KCNIP1: variants seen among roughly 807,000 people sequenced by gnomAD.
The protein encoded by KCNIP1 is A-type potassium channel modulatory protein KCNIP1.
KCNIP1 carries 18 observed loss-of-function variants against 33.0 expected under a neutral mutation model. The observed-to-expected ratio is 0.55, with a 90% confidence interval of 0.38 to 0.81. KCNIP1 has a LOEUF of 0.81. Ranked by LOEUF, KCNIP1 falls within the 30% of genes least tolerant of loss-of-function variation. KCNIP1 has a pLI of 0.00. For synonymous variants in KCNIP1, 93 were observed against 98.3 expected (o/e 0.95, Z 0.32); for missense variants, 238 against 271.6 (o/e 0.88, Z 0.87).
At chr5:170,648,405 A>G (rs1403490186) in intron 1 of KCNIP1, among the ~76,000 whole-genome samples, 1 of 152,248 alleles carries the variant, frequency 6.6e-6, no homozygotes, top group Non-Finnish European at 1.5e-5. Context: ...GCGAATGGTT[A>G]AATAAATGAT....
At chr5:170,700,992 A>G (rs1471840341) in intron 1 of KCNIP1, among the ~76,000 whole-genome samples, 1 of 152,214 alleles carries the variant, frequency 6.6e-6, no homozygotes, top group Admixed American at 6.5e-5. Context: ...AGTAGAACCA[A>G]CTTTCCAGAC....
chr5:170,638,586 T>C (rs879259540), intron 1 of KCNIP1, among the ~76,000 whole-genome samples: 5 of 152,174 alleles, frequency 3.3e-5, no homozygotes, highest in Admixed American at 1.3e-4. Context: ...CTCAGGGGGA[T>C]AGGTGTGTCA....
At position 170,492,903 on chromosome 5, in the gene KCNIP1, C is replaced by T. The variant is rs577016832; in HGVS notation, c.88+138939C>T. On this transcript the variant is annotated intron_variant, in intron 1 of 7. Transcript: ENST00000377360. ...TAGCTGGGACTACAGGTGCCCACCA[C>T]CATGCCTGGCTAATTTTTGTATTTT... 1.2e-3 allele frequency among the ~76,000 whole-genome samples: 177 copies of T among 152,304 alleles called. 2 individuals are homozygous for T. In the South Asian group the frequency reaches 0.032, roughly 28 times the overall value.
At chr5:170,397,839 C>T (rs1269984885) in intron 1 of KCNIP1, among the ~76,000 whole-genome samples, 2 of 152,156 alleles carry the variant, frequency 1.3e-5, no homozygotes, top group Admixed American at 6.5e-5. Flanking sequence ...CAATCAAATA[C>T]ATTTAAGAGA....
chr5:170,700,152 G>A (rs918906203), intron 1 of KCNIP1, among the ~76,000 whole-genome samples: 1 of 151,802 alleles, frequency 6.6e-6, no homozygotes, highest in Non-Finnish European at 1.5e-5. Context: ...TCTCCTGTGG[G>A]CTCCTTGTAG....
intron 1 of KCNIP1, among the ~76,000 whole-genome samples, chr5:170,546,892 G>A (rs1756430071): frequency 6.6e-6 from 1 of 151,958 alleles, no homozygotes. Context: ...TTGAATCTCT[G>A]ACTTTCTATC....
intron 1 of KCNIP1, among the ~76,000 whole-genome samples, chr5:170,576,886 A>G (rs747300938): frequency 3.0e-4 from 46 of 152,190 alleles, no homozygotes; most frequent in Non-Finnish European, 5.7e-4. Flanking sequence ...TTGTAAATTT[A>G]CAGGTTGAAC....
intron 1 of KCNIP1, among the ~76,000 whole-genome samples, chr5:170,562,322 G>T: frequency 6.6e-6 from 1 of 152,182 alleles, no homozygotes; most frequent in East Asian, 1.9e-4. Flanking sequence ...TGGTGGCAAT[G>T]GGCACAGCAG....
At chr5:170,671,055 A>G (rs1761903147) in intron 1 of KCNIP1, among the ~76,000 whole-genome samples, 1 of 152,030 alleles carries the variant, frequency 6.6e-6, no homozygotes, top group African/African-American at 2.4e-5. Context: ...GTGTCTTCTG[A>G]GGCAGTCTGG....
intron 1 of KCNIP1, among the ~76,000 whole-genome samples, chr5:170,597,784 A>AATAGAT (rs1433551163): frequency 9.7e-5 from 13 of 134,432 alleles, no homozygotes; most frequent in African/African-American, 3.7e-4. Context: ...GAGAGAGATA[A>AATAGAT]ATATATATAT....
At position 170,398,383 on chromosome 5, in the gene KCNIP1, C is replaced by A. The variant is rs139132064; in HGVS notation, c.88+44419C>A. Among the ~76,000 whole-genome samples the A allele has an allele frequency of 5.4e-3, 827 of 152,328 alleles. 13 individuals carry two copies. The highest frequency in any genetic ancestry group is 0.019 in the African/African-American group (799 of 41,578). On this transcript the variant is annotated intron_variant, in intron 1 of 7. Coordinates refer to the KCNIP1 transcript ENST00000377360. Reference sequence around the variant, plus strand: ...TTTTAAGATTTTGGTATATATTTCACACCTTTTACCAGAATACCGATACCA... The same window carrying A: ...TTTTAAGATTTTGGTATATATTTCAAACCTTTTACCAGAATACCGATACCA...
chr5:170,687,920 G>C (rs949032961), intron 1 of KCNIP1, among the ~76,000 whole-genome samples: 1 of 152,184 alleles, frequency 6.6e-6, no homozygotes, highest in Admixed American at 6.5e-5. Flanking sequence ...ACAGAGAACA[G>C]CTGGTGGCCT....
At chr5:170,458,790 T>C (rs917304018) in intron 1 of KCNIP1, among the ~76,000 whole-genome samples, 2 of 151,936 alleles carry the variant, frequency 1.3e-5, no homozygotes, top group African/African-American at 4.8e-5. Flanking sequence ...AAAATACAAT[T>C]AAGACAACAA....
intron 1 of KCNIP1, among the ~76,000 whole-genome samples, chr5:170,555,612 CCAAA>C (rs148890933): frequency 3.3e-5 from 5 of 152,238 alleles, no homozygotes; most frequent in African/African-American, 4.8e-5. Context: ...ATGCTCTGCC[CCAAA>C]CAATTTGTGG....
At chr5:170,720,471 T>G in intron 3 of KCNIP1, 81 bp downstream of exon 3, 1 of 1,102,830 alleles carries the variant, frequency 9.1e-7, no homozygotes, top group South Asian at 1.3e-5. Flanking sequence ...CTCTCTTCCT[T>G]GCCATTTGCT....
chr5:170,471,969 A>G (rs1039495148), intron 1 of KCNIP1, among the ~76,000 whole-genome samples: 3 of 152,142 alleles, frequency 2.0e-5, no homozygotes, highest in African/African-American at 7.2e-5. Context: ...CATGAAGGCT[A>G]TGGGGTGGAA....
At chr5:170,558,929 C>T (rs1756936067) in intron 1 of KCNIP1, among the ~76,000 whole-genome samples, 1 of 152,172 alleles carries the variant, frequency 6.6e-6, no homozygotes, top group Non-Finnish European at 1.5e-5. Flanking sequence ...TCCCTATCAC[C>T]TCCCAGGGCC....
intron 1 of KCNIP1, among the ~76,000 whole-genome samples, chr5:170,357,130 A>G (rs1177949606): frequency 7.1e-6 from 1 of 141,108 alleles, no homozygotes; most frequent in East Asian, 2.3e-4. Flanking sequence ...TCTCTTTGGC[A>G]TTAAAAAAAA....
intron 1 of KCNIP1, among the ~76,000 whole-genome samples, chr5:170,682,173 T>C (rs979184361): frequency 1.3e-5 from 2 of 152,180 alleles, no homozygotes; most frequent in African/African-American, 2.4e-5. Context: ...TAAGATGAGG[T>C]AAGCCCTGGA....
Sources: allele counts gnomAD v4.1 joint callset (sites outside exome capture counted in the v4.1 genomes callset), GRCh38; gene constraint gnomAD v4.1.1; transcripts MANE v1.5; gene names NCBI Gene and HGNC (gene_info 2026-07-23, HGNC 2026-07-21).